The following WDR48 variants were observed in gnomAD, a reference collection of about 807,000 sequenced individuals.
WDR48 encodes the protein WD repeat-containing protein 48.
Under a neutral mutation model 94.0 loss-of-function variants are expected in WDR48, and 22 were observed. That is an observed-to-expected ratio of 0.23 (90% CI 0.17 to 0.33). The LOEUF is 0.33. WDR48 is among the 10% of genes least tolerant of loss of function. WDR48 has a pLI of 1.00. For synonymous variants in WDR48, 278 were observed against 280.5 expected (o/e 0.99, Z 0.09); for missense variants, 541 against 813.8 (o/e 0.66, Z 4.08).
intron 2 of WDR48, among the ~76,000 whole-genome samples, 170 bp downstream of exon 2, chr3:39,063,360 TC>T (rs2033395170): frequency 6.6e-6 from 1 of 152,128 alleles, no homozygotes; most frequent in African/African-American, 2.4e-5. Flanking sequence ...AGAAAAACCA[TC>T]CCTAGGAAAG....
At chr3:39,066,081 C>T (rs2033586912) in intron 3 of WDR48, among the ~76,000 whole-genome samples, 192 bp downstream of exon 3, 1 of 152,222 alleles carries the variant, frequency 6.6e-6, no homozygotes, top group Admixed American at 6.5e-5. Flanking sequence ...CTTTGCCACC[C>T]TTTCAGTTAT....
chr3:39,087,086 T>C (rs909929820), intron 14 of WDR48, among the ~76,000 whole-genome samples: 1 of 152,326 alleles, frequency 6.6e-6, no homozygotes, highest in East Asian at 1.9e-4. Context: ...GAGTTACTTA[T>C]GGAAAGCATT....
chr3:39,075,467 G>C (rs1322308677), intron 8 of WDR48, among the ~76,000 whole-genome samples: 1 of 152,114 alleles, frequency 6.6e-6, no homozygotes, highest in East Asian at 1.9e-4. Flanking sequence ...TCTCCTGAAA[G>C]AAGAGGGAGC....
chr3:39,084,391 A>G (rs1298955607), intron 12 of WDR48, 129 bp downstream of exon 12: 4 of 646,846 alleles, frequency 6.2e-6, no homozygotes, highest in Non-Finnish European at 9.3e-6. Context: ...AAAACTTAAA[A>G]TGCAAAATGG....
intron 7 of WDR48, among the ~76,000 whole-genome samples, 182 bp from the exon 8 acceptor site, chr3:39,074,544 A>G (rs1042246886): frequency 6.6e-6 from 1 of 152,238 alleles, no homozygotes; most frequent in Non-Finnish European, 1.5e-5. Context: ...AATTTTCCCA[A>G]AATTACATAA....
chr3:39,071,136 T>C (rs2033914313), intron 7 of WDR48, among the ~76,000 whole-genome samples: 2 of 152,224 alleles, frequency 1.3e-5, no homozygotes, highest in Non-Finnish European at 2.9e-5. Flanking sequence ...AGTGCCGCAA[T>C]AAACATACAG....
At chr3:39,089,644 AT>A (rs1458828473) in intron 16 of WDR48, 1 of 170,608 alleles carries the variant, frequency 5.9e-6, no homozygotes, top group African/African-American at 2.4e-5. Context: ...TAATAAATTA[AT>A]GCATAGCCTT....
intron 2 of WDR48, 50 bp from the exon 3 acceptor site, chr3:39,065,761 T>A: frequency 7.4e-7 from 1 of 1,343,076 alleles, no homozygotes; most frequent in Non-Finnish European, 1.0e-6. Flanking sequence ...TCATTTGTAA[T>A]ATATTTCATT....
At chr3:39,091,384 G>A (rs1334220304) in intron 16 of WDR48, 2 of 333,796 alleles carry the variant, frequency 6.0e-6, no homozygotes, top group African/African-American at 4.4e-5. Context: ...TTAATACCTT[G>A]TACTGTTATC....
intron 18 of WDR48, 200 bp from the exon 19 acceptor site, chr3:39,094,448 T>C: frequency 5.9e-6 from 9 of 1,531,542 alleles, no homozygotes; most frequent in Non-Finnish European, 7.9e-6. Flanking sequence ...CTGGTGTTTC[T>C]GGCATAGTCA....
At chr3:39,055,361 T>G (rs1476654928) in intron 1 of WDR48, among the ~76,000 whole-genome samples, 2 of 152,172 alleles carry the variant, frequency 1.3e-5, no homozygotes, top group African/African-American at 4.8e-5. Context: ...GGCGCATGCC[T>G]GTAATCCCAG....
intron 11 of WDR48, among the ~76,000 whole-genome samples, chr3:39,081,754 T>C (rs1443477422): frequency 6.6e-6 from 1 of 152,168 alleles, no homozygotes; most frequent in African/African-American, 2.4e-5. Context: ...ACCTATCTGT[T>C]TTCTGTATAT....
At chr3:39,082,268 A>G (rs953040831) in intron 11 of WDR48, among the ~76,000 whole-genome samples, 18 of 151,852 alleles carry the variant, frequency 1.2e-4, no homozygotes, top group Admixed American at 9.8e-4. Context: ...GCCTGTGAAC[A>G]AGAGTGATAC....
chr3:39,064,982 G>C (rs2033515352), intron 2 of WDR48, among the ~76,000 whole-genome samples: 1 of 152,132 alleles, frequency 6.6e-6, no homozygotes, highest in South Asian at 2.1e-4. Flanking sequence ...TGAAGAATCT[G>C]GAAATCTGCC....
In WDR48 at chr3:39,078,206, C is replaced by A; in HGVS notation, c.1042C>A (p.Pro348Thr). ...CAATGACTGTACAAATCCTATAACA[C>A]CTCTTTGTACACAACCTGACCAGGT... ...YDNDCTNPIT[P>T]LCTQPDQVIK... is the part of the protein sequence containing the mutation. The change falls in exon 10 of 19, where the codon CCT (proline) becomes ACT (threonine). Residue 348 changes from proline (P) to threonine (T), a missense_variant. Coordinates refer to ENST00000302313, the MANE Select transcript of WDR48 (RefSeq NM_020839.4). 6.2e-7 allele frequency: 1 copy of A among 1,613,116 alleles called. No individual in the cohort carries two copies. The highest frequency in any genetic ancestry group is 8.5e-7 in the Non-Finnish European group (1 of 1,179,484).
intron 16 of WDR48, chr3:39,090,409 C>T (rs1475090364): frequency 6.6e-6 from 1 of 152,054 alleles, no homozygotes; most frequent in Non-Finnish European, 1.5e-5. Flanking sequence ...GTTCCTTTTG[C>T]CAGGTGAAAA....
At position 39,080,079 on chromosome 3, in the gene WDR48, A is replaced by G. The variant is rs992574848; in HGVS notation, c.1173+271A>G. 1.3e-4 allele frequency among the ~76,000 whole-genome samples: 19 copies of G among 151,704 alleles called. No homozygotes were observed. In the East Asian group the frequency reaches 1.6e-3, roughly 12 times the overall value. On this transcript the variant is annotated intron_variant, in intron 11 of 18. Coordinates refer to ENST00000302313, the MANE Select transcript of WDR48 (RefSeq NM_020839.4). ...CCTTAAAAGTCTCATCCTTGTAGCTATTGACATCTTAAGCCAGATAATTAT... is the reference window on the plus strand; with the variant it reads ...CCTTAAAAGTCTCATCCTTGTAGCTGTTGACATCTTAAGCCAGATAATTAT...
At chr3:39,057,274 T>C (rs1412134589) in intron 1 of WDR48, among the ~76,000 whole-genome samples, 1 of 152,156 alleles carries the variant, frequency 6.6e-6, no homozygotes, top group Non-Finnish European at 1.5e-5. Context: ...AGTAAATCGA[T>C]AATGTCTAAA....
chr3:39,088,378 T>C (rs1258476437), intron 15 of WDR48, 145 bp downstream of exon 15: 3 of 745,550 alleles, frequency 4.0e-6, no homozygotes, highest in East Asian at 5.4e-5. Context: ...CCCATGTCCA[T>C]GAGATAGTGA....
Sources: gnomAD v4.1 joint callset for allele counts (sites outside exome capture counted in the v4.1 genomes callset) on GRCh38, gnomAD v4.1.1 for gene constraint, MANE v1.5 for transcripts, NCBI Gene and HGNC (gene_info 2026-07-23, HGNC 2026-07-21) for gene names.